The following MTMR12 variants were observed in gnomAD, a reference collection of about 807,000 sequenced individuals.
MTMR12 encodes myotubularin related protein 12.
MTMR12 carries 33 observed loss-of-function variants against 96.7 expected under a neutral mutation model. The observed-to-expected ratio is 0.34, with a 90% CI of 0.26 to 0.46. The LOEUF (loss-of-function observed/expected upper bound fraction) is 0.46, where lower values mean the gene tolerates loss of function less well. MTMR12 is among the 20% of genes least tolerant of loss of function. MTMR12 has a pLI of 1.00. For missense variants in MTMR12, 721 were observed against 896.1 expected (o/e 0.80, Z 2.49); for synonymous variants, 298 against 327.2 (o/e 0.91, Z 0.96).
intron 3 of MTMR12, among the ~76,000 whole-genome samples, 158 bp from the exon 4 acceptor site, chr5:32,272,063 G>T (rs1028448947): frequency 6.6e-6 from 1 of 152,012 alleles, no homozygotes; most frequent in Non-Finnish European, 1.5e-5. Context: ...AGGCCGACGC[G>T]GGCGGATCAC....
At chr5:32,276,149 G>C (rs1750043226) in intron 2 of MTMR12, among the ~76,000 whole-genome samples, 1 of 152,226 alleles carries the variant, frequency 6.6e-6, no homozygotes, top group South Asian at 2.1e-4. Context: ...TAAAGTCACT[G>C]TCCTCTACCT....
At chr5:32,290,861 C>T (rs1219279419) in intron 1 of MTMR12, among the ~76,000 whole-genome samples, 1 of 152,204 alleles carries the variant, frequency 6.6e-6, no homozygotes, top group Non-Finnish European at 1.5e-5. Context: ...TGAAAGACAG[C>T]TCTTGGCCCG....
chr5:32,294,976 G>A (rs970216623), intron 1 of MTMR12, among the ~76,000 whole-genome samples: 60 of 152,308 alleles, frequency 3.9e-4, no homozygotes, highest in African/African-American at 1.3e-3. Context: ...AATAGAGTAG[G>A]GGCATAGCCA....
At chr5:32,250,729 T>A (rs925635590) in intron 8 of MTMR12, among the ~76,000 whole-genome samples, 6 of 152,186 alleles carry the variant, frequency 3.9e-5, no homozygotes, top group African/African-American at 1.4e-4. Context: ...CTTGGTGATA[T>A]CCAACTATAA....
At chr5:32,288,292 T>C (rs1750619078) in intron 1 of MTMR12, among the ~76,000 whole-genome samples, 1 of 152,118 alleles carries the variant, frequency 6.6e-6, no homozygotes, top group African/African-American at 2.4e-5. Flanking sequence ...CCATCCCCAG[T>C]AGTGGCAACA....
In MTMR12 at chr5:32,271,809, C is replaced by T. The variant is rs746762240; in HGVS notation, c.358+24G>A. ...CCTATACTCTCAAAGGTTGCCAACA[C>T]CCCAGGGAAAAACAGATACTTACCT... is the stretch of plus-strand genomic sequence containing the variant. On this transcript the variant is annotated intron_variant, in intron 4 of 15. Coordinates refer to ENST00000382142, the MANE Select transcript of MTMR12 (RefSeq NM_001040446.3). 3.4e-6 allele frequency: 5 copies of T among 1,466,554 alleles called. No individual in the cohort carries two copies. In the South Asian group the frequency reaches 6.5e-5, roughly 19 times the overall value. The allele number at this position is 1,466,554 out of a possible 1,614,324, so 90.8% of individuals were successfully genotyped here.
intron 10 of MTMR12, among the ~76,000 whole-genome samples, chr5:32,247,462 T>C (rs1464454381): frequency 6.6e-6 from 1 of 152,142 alleles, no homozygotes; most frequent in Non-Finnish European, 1.5e-5. Context: ...CAGTGTTAAA[T>C]ATGAGGCACC....
intron 1 of MTMR12, among the ~76,000 whole-genome samples, chr5:32,300,857 C>T (rs1384845218): frequency 1.3e-5 from 2 of 152,146 alleles, no homozygotes; most frequent in Non-Finnish European, 2.9e-5. Context: ...GGTAAATCAC[C>T]TGAGGTCAGA....
intron 2 of MTMR12, among the ~76,000 whole-genome samples, chr5:32,275,600 A>G (rs916060718): frequency 5.3e-5 from 8 of 152,206 alleles, no homozygotes; most frequent in Admixed American, 2.0e-4. Context: ...GAAGCACAAG[A>G]GTTGGGAGCT....
Position 32,312,234 on chromosome 5 carries a change from G to A in MTMR12, c.81+524C>T, listed in dbSNP as rs1225726331. On this transcript the variant is annotated intron_variant, in intron 1 of 15. Coordinates refer to ENST00000382142, the MANE Select transcript of MTMR12 (RefSeq NM_001040446.3). The surrounding 1 kb of genome is among the most constrained non-coding windows in gnomAD (Gnocchi z 5.0). Reference sequence around the variant, plus strand: ...AGCAGAGACTGGCTGAGGCCAGGCCGACCCCCTTTTCTCCCCGCAGCGCTG... The same window carrying A: ...AGCAGAGACTGGCTGAGGCCAGGCCAACCCCCTTTTCTCCCCGCAGCGCTG... 6.6e-6 allele frequency among the ~76,000 whole-genome samples: 1 copy of A among 152,204 alleles called. No homozygotes were observed. Among genetic ancestry groups the A allele is most frequent in the African/African-American group, 2.4e-5 (1 of 41,450 alleles).
rs1224914595 is a variant in MTMR12 at position 32,276,670 on chromosome 5, C to T, written c.142+12G>A. On this transcript the variant is annotated intron_variant, in intron 2 of 15. Transcript: ENST00000382142. ...CCTTGCATAGGAGTTACTATGCTAA[C>T]ATGACAGTTACCTGGCAACAAGTGA... 1.2e-6 allele frequency: 2 copies of T among 1,611,332 alleles called. No individual in the cohort carries two copies. The highest frequency in any genetic ancestry group is 1.7e-6 in the Non-Finnish European group (2 of 1,177,520).
chr5:32,277,895 A>C (rs781045841), intron 1 of MTMR12, among the ~76,000 whole-genome samples: 13 of 152,204 alleles, frequency 8.5e-5, no homozygotes, highest in Non-Finnish European at 1.3e-4. Context: ...TCTACAGCAC[A>C]CCAGGGCTCA....
At chr5:32,239,300 T>C (rs114392491) in intron 12 of MTMR12, 127 bp from the exon 13 acceptor site, 22,572 of 990,764 alleles carry the variant, frequency 0.023, 293 homozygotes, top group African/African-American at 0.031. Context: ...TTAACAGTCA[T>C]GTTCTTATTC....
chr5:32,276,764 T>C, intron 1 of MTMR12, 22 bp from the exon 2 acceptor site: 1 of 1,602,230 alleles, frequency 6.2e-7, no homozygotes, highest in Middle Eastern at 1.7e-4. Flanking sequence ...GAGCAAAGGA[T>C]ATTTTTCTTT....
At chr5:32,282,026 A>G (rs1038831781) in intron 1 of MTMR12, among the ~76,000 whole-genome samples, 26 of 152,296 alleles carry the variant, frequency 1.7e-4, no homozygotes, top group African/African-American at 6.3e-4. Flanking sequence ...TAACAAATTG[A>G]GAATAGAAAC....
intron 11 of MTMR12, among the ~76,000 whole-genome samples, chr5:32,242,786 T>A (rs1748535476): frequency 6.6e-6 from 1 of 152,052 alleles, no homozygotes; most frequent in African/African-American, 2.4e-5. Context: ...TTTATCCCTG[T>A]CTGCCATTAT....
chr5:32,233,702 T>C lies in MTMR12; in HGVS notation c.1674+71A>G. The C allele has an allele frequency of 3.1e-6, 5 of 1,599,876 alleles. No individual in the cohort carries two copies. The highest frequency in any genetic ancestry group is 4.3e-6 in the Non-Finnish European group (5 of 1,169,716). ...AGAAAATGCTGGCAGACAGAATCCG[T>C]AAGTACCTTTTATCATTACATGCAC... On this transcript the variant is annotated intron_variant, in intron 15 of 15. Transcript: ENST00000382142. The surrounding 1 kb of genome is among the most constrained non-coding windows in gnomAD (Gnocchi z 5.0).
intron 1 of MTMR12, chr5:32,296,492 G>GAA: frequency 5.5e-6 from 2 of 364,278 alleles, no homozygotes; most frequent in Non-Finnish European, 5.7e-6. Flanking sequence ...AAAAAGAAAC[G>GAA]AGAAAAAAAA....
At chr5:32,272,699 C>A (rs534793113) in intron 3 of MTMR12, among the ~76,000 whole-genome samples, 8 of 152,174 alleles carry the variant, frequency 5.3e-5, no homozygotes, top group African/African-American at 1.9e-4. Flanking sequence ...CATTTCTGGG[C>A]CCCTCCTAGG....
Sources: allele counts gnomAD v4.1 joint callset (sites outside exome capture counted in the v4.1 genomes callset), GRCh38; gene constraint gnomAD v4.1.1; non-coding constraint Gnocchi (gnomAD v3.1); transcripts MANE v1.5; gene names NCBI Gene and HGNC (gene_info 2026-07-23, HGNC 2026-07-21).